CAMKMT: variants seen among roughly 807,000 people sequenced by gnomAD.
CAMKMT encodes the protein calmodulin-lysine N-methyltransferase.
CAMKMT carries 53 observed loss-of-function variants against 48.0 expected under a neutral mutation model. The ratio of observed to expected loss-of-function variants is 1.10; its 90% confidence interval spans 0.89 to 1.39. The LOEUF (loss-of-function observed/expected upper bound fraction) is 1.39, where lower values mean the gene tolerates loss of function less well. CAMKMT is among the 40% of genes most tolerant of loss of function. The probability of loss-of-function intolerance (pLI) is 0.00; values close to 1 mark genes in which losing one functional copy is unlikely to be tolerated. For synonymous variants in CAMKMT, 165 were observed against 152.3 expected (o/e 1.08, Z -0.61); for missense variants, 428 against 402.7 (o/e 1.06, Z -0.54).
At chr2:44,617,495 A>T (rs971321415) in intron 3 of CAMKMT, among the ~76,000 whole-genome samples, 1 of 152,246 alleles carries the variant, frequency 6.6e-6, no homozygotes, top group Admixed American at 6.5e-5. Context: ...CATCTTGATG[A>T]TACTGATTCA....
At chr2:44,722,734 T>C (rs1337471058) in intron 7 of CAMKMT, among the ~76,000 whole-genome samples, 1 of 152,188 alleles carries the variant, frequency 6.6e-6, no homozygotes, top group Non-Finnish European at 1.5e-5. Flanking sequence ...TCATCTGAGA[T>C]GGTATATAAT....
intron 7 of CAMKMT, among the ~76,000 whole-genome samples, chr2:44,728,118 G>T (rs745999145): frequency 2.8e-4 from 42 of 152,006 alleles, no homozygotes; most frequent in Admixed American, 6.6e-5. Flanking sequence ...TAGAGACAGG[G>T]TCTAATTTTG....
chr2:44,384,274 C>G (rs181474321), intron 2 of CAMKMT, among the ~76,000 whole-genome samples: 2 of 152,088 alleles, frequency 1.3e-5, no homozygotes, highest in African/African-American at 4.8e-5. Context: ...TGTATATCTT[C>G]TTTTGAGAAT....
intron 7 of CAMKMT, among the ~76,000 whole-genome samples, chr2:44,725,037 C>T (rs1206882657): frequency 6.6e-6 from 1 of 152,062 alleles, no homozygotes; most frequent in Non-Finnish European, 1.5e-5. Context: ...TTGTCCTGTT[C>T]CTCAAGACTA....
intron 3 of CAMKMT, chr2:44,394,848 T>C: frequency 2.2e-6 from 1 of 454,100 alleles, no homozygotes; most frequent in South Asian, 1.6e-5. Context: ...TAATCAGTTA[T>C]TATTGAAAGC....
intron 3 of CAMKMT, among the ~76,000 whole-genome samples, chr2:44,495,250 C>T (rs1435554925): frequency 2.0e-5 from 3 of 152,158 alleles, no homozygotes; most frequent in Non-Finnish European, 4.4e-5. Context: ...AAGCAATCCT[C>T]CTGCCTACGC....
intron 3 of CAMKMT, among the ~76,000 whole-genome samples, chr2:44,591,874 T>C (rs1230019742): frequency 1.3e-5 from 2 of 152,086 alleles, no homozygotes; most frequent in African/African-American, 4.8e-5. Flanking sequence ...CATGGAATAC[T>C]ATGCAGCCAT....
At chr2:44,665,121 A>G (rs1448481635) in intron 3 of CAMKMT, among the ~76,000 whole-genome samples, 1 of 152,158 alleles carries the variant, frequency 6.6e-6, no homozygotes, top group African/African-American at 2.4e-5. Context: ...CCCAGGCTGG[A>G]GTGCAGTGGT....
At chr2:44,406,903 C>G (rs375702145) in intron 3 of CAMKMT, among the ~76,000 whole-genome samples, 3 of 152,208 alleles carry the variant, frequency 2.0e-5, no homozygotes, top group South Asian at 4.1e-4. Context: ...CCATTGCGCC[C>G]AGCCAAATTA....
At chr2:44,680,475 A>G (rs1675953324) in intron 3 of CAMKMT, among the ~76,000 whole-genome samples, 1 of 152,148 alleles carries the variant, frequency 6.6e-6, no homozygotes, top group South Asian at 2.1e-4. Flanking sequence ...AAGAGATAAA[A>G]CAAAATAGCC....
intron 3 of CAMKMT, among the ~76,000 whole-genome samples, chr2:44,625,034 G>A (rs1020322464): frequency 2.0e-5 from 3 of 152,266 alleles, no homozygotes; most frequent in African/African-American, 7.2e-5. Flanking sequence ...GGGTTTTATG[G>A]TATGTATGGT....
At chr2:44,491,256 C>T (rs761335811) in intron 3 of CAMKMT, among the ~76,000 whole-genome samples, 2 of 151,554 alleles carry the variant, frequency 1.3e-5, no homozygotes, top group African/African-American at 2.4e-5. Context: ...GTGCCAATGG[C>T]TGGAGGGGAT....
At chr2:44,712,687 G>A (rs1677945631) in intron 6 of CAMKMT, among the ~76,000 whole-genome samples, 1 of 152,106 alleles carries the variant, frequency 6.6e-6, no homozygotes, top group Non-Finnish European at 1.5e-5. Context: ...GGCTTTCTTT[G>A]CACCCAGTCC....
At chr2:44,526,401 T>G (rs766723426) in intron 3 of CAMKMT, among the ~76,000 whole-genome samples, 1 of 152,180 alleles carries the variant, frequency 6.6e-6, no homozygotes, top group Non-Finnish European at 1.5e-5. Flanking sequence ...AGAGATTTAT[T>G]ATGAAGACTT....
intron 3 of CAMKMT, among the ~76,000 whole-genome samples, chr2:44,490,220 T>C (rs1367791739): frequency 6.6e-6 from 1 of 152,188 alleles, no homozygotes; most frequent in African/African-American, 2.4e-5. Flanking sequence ...TGTTTAATTA[T>C]ATAATTTTCA....
intron 1 of CAMKMT, among the ~76,000 whole-genome samples, chr2:44,369,454 T>C (rs1678943923): frequency 6.6e-6 from 1 of 152,198 alleles, no homozygotes; most frequent in African/African-American, 2.4e-5. Flanking sequence ...CTAGCTACTT[T>C]AAGCAGAAAT....
intron 3 of CAMKMT, among the ~76,000 whole-genome samples, chr2:44,449,879 T>G (rs1253442547): frequency 1.3e-5 from 2 of 152,174 alleles, no homozygotes; most frequent in African/African-American, 4.8e-5. Flanking sequence ...CAGTTCTAAT[T>G]TTTACATTGT....
chr2:44,435,748 C>T (rs1482956723), intron 3 of CAMKMT, among the ~76,000 whole-genome samples: 1 of 152,158 alleles, frequency 6.6e-6, no homozygotes, highest in African/African-American at 2.4e-5. Flanking sequence ...AAGGAAAGTT[C>T]ATGATGTTCT....
chr2:44,669,864 C>T (rs1675230083), intron 3 of CAMKMT, among the ~76,000 whole-genome samples: 1 of 152,118 alleles, frequency 6.6e-6, no homozygotes, highest in African/African-American at 2.4e-5. Context: ...TCTCGAACTC[C>T]TGGGCTCAAG....
Sources: allele counts gnomAD v4.1 joint callset (sites outside exome capture counted in the v4.1 genomes callset), GRCh38; gene constraint gnomAD v4.1.1; transcripts MANE v1.5; gene names NCBI Gene and HGNC (gene_info 2026-07-23, HGNC 2026-07-21).